Variants in COL4A6 observed in about 807,000 individuals in gnomAD.
The protein encoded by COL4A6 is collagen alpha-6(IV) chain.
A neutral mutation model predicts 126.7 loss-of-function variants in COL4A6; 59 were observed. That is an observed-to-expected ratio of 0.47 (90% CI 0.38 to 0.58). The LOEUF is 0.58. Among genes scored for constraint, COL4A6 ranks in the 20% least tolerant of loss-of-function variants. The pLI is 0.00. For synonymous variants in COL4A6, 547 were observed against 496.6 expected, an observed-to-expected ratio of 1.10 and a Z score of -1.35; for missense variants, 1,285 against 1,337.3, an observed-to-expected ratio of 0.96 and a Z score of 0.61.
intron 2 of COL4A6, among the ~76,000 whole-genome samples, chrX:108,357,202 A>T (rs772833022): frequency 2.7e-5 from 3 of 111,519 alleles, no homozygotes; most frequent in Non-Finnish European, 5.6e-5. Context: ...CACAGGACTG[A>T]GACAAGAGAG....
chrX:108,344,461 G>A (rs1480863138), intron 2 of COL4A6, among the ~76,000 whole-genome samples: 1 of 111,555 alleles, frequency 9.0e-6, no homozygotes, highest in Non-Finnish European at 1.9e-5. Context: ...GAAAGATTTT[G>A]GAACATAAAA....
chrX:108,379,148 G>A (rs769163191), intron 2 of COL4A6, among the ~76,000 whole-genome samples: 19 of 112,364 alleles, frequency 1.7e-4, no homozygotes, highest in Non-Finnish European at 1.5e-4. Context: ...GATGTGTTAG[G>A]TATTATGTTT....
intron 2 of COL4A6, among the ~76,000 whole-genome samples, chrX:108,336,147 T>C (rs1457524073): frequency 9.0e-6 from 1 of 111,673 alleles, no homozygotes; most frequent in Non-Finnish European, 1.9e-5. Context: ...CCCAAAAGAA[T>C]TGAAAACAAG....
At chrX:108,343,616 CTA>C (rs887829505) in intron 2 of COL4A6, among the ~76,000 whole-genome samples, 1 of 111,010 alleles carries the variant, frequency 9.0e-6, no homozygotes, top group African/African-American at 3.3e-5. Flanking sequence ...GATGAATTAA[CTA>C]TTGGTTGAAA....
chrX:108,343,803 C>CAA (rs58583772), intron 2 of COL4A6, among the ~76,000 whole-genome samples: 17 of 36,913 alleles, frequency 4.6e-4, no homozygotes, highest in East Asian at 2.4e-3. Flanking sequence ...GGCAAAAAGC[C>CAA]AAAAAAAAAA....
intron 10 of COL4A6, 22 bp downstream of exon 10, chrX:108,205,638 C>T: frequency 8.3e-7 from 1 of 1,204,172 alleles, no homozygotes; most frequent in East Asian, 3.0e-5. Flanking sequence ...AAGCAAAATG[C>T]CCTAAGACAA....
chrX:108,230,936 A>G (rs777189237), intron 3 of COL4A6, among the ~76,000 whole-genome samples: 3 of 112,416 alleles, frequency 2.7e-5, no homozygotes, highest in African/African-American at 9.7e-5. Flanking sequence ...CTGGTGGTGA[A>G]GAATGTGTCT....
intron 3 of COL4A6, among the ~76,000 whole-genome samples, chrX:108,270,436 GA>G (rs1006008577): frequency 8.9e-6 from 1 of 112,621 alleles, no homozygotes. Flanking sequence ...ACCATGAAAA[GA>G]ATCTGCCCAG....
chrX:108,353,762 G>A (rs2039893972), intron 2 of COL4A6, among the ~76,000 whole-genome samples: 1 of 112,412 alleles, frequency 8.9e-6, no homozygotes, highest in African/African-American at 3.2e-5. Context: ...TAGTGGGAAA[G>A]TAAGCTAGAA....
intron 40 of COL4A6, among the ~76,000 whole-genome samples, chrX:108,164,203 A>G (rs985070828): frequency 3.6e-5 from 4 of 111,878 alleles, no homozygotes; most frequent in Non-Finnish European, 7.5e-5. Context: ...TGCAAGGCAC[A>G]TTTAGGAGGT....
chrX:108,388,860 T>C (rs1315161607), intron 2 of COL4A6, among the ~76,000 whole-genome samples: 3 of 112,035 alleles, frequency 2.7e-5, no homozygotes, highest in Non-Finnish European at 5.6e-5. Context: ...TTTAGTGCTA[T>C]ACATTTCCCT....
chrX:108,357,777 C>A (rs2039991206), intron 2 of COL4A6, among the ~76,000 whole-genome samples: 1 of 110,409 alleles, frequency 9.1e-6, no homozygotes, highest in Non-Finnish European at 1.9e-5. Context: ...TTGGATAACT[C>A]CAACTTGACA....
At chrX:108,384,753 C>A (rs2040645271) in intron 2 of COL4A6, among the ~76,000 whole-genome samples, 4 of 112,108 alleles carry the variant, frequency 3.6e-5, no homozygotes, top group Admixed American at 9.5e-5. Flanking sequence ...CTCTCAACTG[C>A]TCTCATTTTA....
At chrX:108,308,308 C>T (rs2038676941) in intron 3 of COL4A6, among the ~76,000 whole-genome samples, 2 of 111,518 alleles carry the variant, frequency 1.8e-5, no homozygotes, top group African/African-American at 3.3e-5. Context: ...TAGGACTGAC[C>T]TCCGATCAGA....
intron 44 of COL4A6, among the ~76,000 whole-genome samples, chrX:108,158,347 C>T (rs905132892): frequency 2.7e-5 from 3 of 112,801 alleles, no homozygotes; most frequent in Non-Finnish European, 5.6e-5. Context: ...TTCAAGATGC[C>T]TTGCTAGGCA....
chrX:108,424,459 G>A (rs988275), intron 2 of COL4A6, among the ~76,000 whole-genome samples: 1 of 111,524 alleles, frequency 9.0e-6, no homozygotes, highest in African/African-American at 3.3e-5. Context: ...GGAAAATCTA[G>A]AATATATAAT....
intron 2 of COL4A6, among the ~76,000 whole-genome samples, chrX:108,392,148 G>A (rs192290787): frequency 2.8e-3 from 319 of 111,949 alleles, no homozygotes; most frequent in African/African-American, 9.6e-3. Context: ...AAATGTAAGC[G>A]CTAAAACTAT....
intron 2 of COL4A6, among the ~76,000 whole-genome samples, chrX:108,346,825 C>T (rs899739812): frequency 1.8e-5 from 2 of 111,691 alleles, no homozygotes; most frequent in Admixed American, 1.9e-4. Flanking sequence ...GAATTATTTG[C>T]CCAATTTTTG....
At chrX:108,164,817 C>T (rs2034071640) in intron 39 of COL4A6, 60 bp downstream of exon 39, 5 of 1,187,176 alleles carry the variant, frequency 4.2e-6, no homozygotes, top group South Asian at 1.9e-5. Flanking sequence ...CACAGGACTG[C>T]AGGAAGGAGT....
Sources: gnomAD v4.1 joint callset for allele counts (sites outside exome capture counted in the v4.1 genomes callset) on GRCh38, gnomAD v4.1.1 for gene constraint, MANE v1.5 for transcripts, NCBI Gene and HGNC (gene_info 2026-07-23, HGNC 2026-07-21) for gene names.